The following SGCZ variants were observed in gnomAD, a reference collection of about 807,000 sequenced individuals.
SGCZ encodes sarcoglycan zeta.
In SGCZ, 40 loss-of-function variants were observed where a neutral mutation model predicts 41.3. That is an observed-to-expected ratio of 0.97 (90% CI 0.75 to 1.26). The LOEUF (loss-of-function observed/expected upper bound fraction) is 1.26. Ranked by LOEUF, SGCZ falls within the 50% of genes most tolerant of loss-of-function variation. The probability of loss-of-function intolerance (pLI) is 0.00; values close to 1 mark genes in which losing one functional copy is unlikely to be tolerated. For missense variants in SGCZ, 552 were observed against 369.8 expected, an observed-to-expected ratio of 1.49 and a Z score of -4.04; for synonymous variants, 206 against 137.5, an observed-to-expected ratio of 1.50 and a Z score of -3.49.
Position 14,090,349 on chromosome 8 carries a change from A to C in SGCZ, c.*94T>G. ...AGTTGCTCTGTGGACCATTCGAAGA[A>C]GCTCTGGACTGATCACAAGGGAAAC... On this transcript the variant is annotated 3_prime_UTR_variant, in exon 8 of 8. Coordinates refer to ENST00000382080, the MANE Select transcript of SGCZ (RefSeq NM_139167.4). 2.3e-6 allele frequency: 3 copies of C among 1,318,112 alleles called. No homozygotes were observed. The East Asian group carries it at 7.1e-5, about 31-fold the overall frequency. 81.7% of individuals were successfully genotyped at this position (1,318,112 alleles called of 1,614,324 possible). A position where few individuals can be genotyped will look rare whatever the true frequency, so the allele number is the denominator to read the frequency against.
At position 15,128,232 on chromosome 8, in the gene SGCZ, C is replaced by G. The variant is rs76405256; in HGVS notation, c.39+109353G>C. ...ATTTTCAGTGCTCTCCCACATATCT[C>G]CAATGTGTTAATTCAGCTCCCGGTG... On this transcript the variant is annotated intron_variant, in intron 1 of 7. Coordinates refer to ENST00000382080, the MANE Select transcript of SGCZ (RefSeq NM_139167.4). 4.7e-3 allele frequency among the ~76,000 whole-genome samples: 716 copies of G among 152,240 alleles called. 7 individuals are homozygous for G. Among genetic ancestry groups the G allele is most frequent in the African/African-American group, 0.016 (680 of 41,548 alleles).
intron 4 of SGCZ, among the ~76,000 whole-genome samples, chr8:14,171,585 AG>A (rs986417341): frequency 2.6e-5 from 4 of 152,040 alleles, no homozygotes; most frequent in African/African-American, 9.7e-5. Context: ...TCATACTGAA[AG>A]GCATTTTAAA....
intron 1 of SGCZ, among the ~76,000 whole-genome samples, chr8:15,178,289 T>C (rs1245040843): frequency 2.0e-5 from 3 of 152,194 alleles, no homozygotes; most frequent in African/African-American, 7.2e-5. Flanking sequence ...TTCTATAAAT[T>C]TTGTTTTACC....
intron 1 of SGCZ, among the ~76,000 whole-genome samples, chr8:14,968,512 A>T (rs2130861174): frequency 6.6e-6 from 1 of 152,200 alleles, no homozygotes; most frequent in South Asian, 2.1e-4. Context: ...AAAATAGCAT[A>T]CTCCATTTTC....
intron 1 of SGCZ, among the ~76,000 whole-genome samples, chr8:15,133,642 G>C (rs146949125): frequency 6.6e-6 from 1 of 152,236 alleles, no homozygotes; most frequent in East Asian, 1.9e-4. Context: ...GTAAACTGAT[G>C]TCTTTTACTC....
At chr8:14,512,513 T>A (rs1467229369) in intron 2 of SGCZ, among the ~76,000 whole-genome samples, 1 of 152,084 alleles carries the variant, frequency 6.6e-6, no homozygotes, top group Non-Finnish European at 1.5e-5. Context: ...CAGGCTGAAG[T>A]GCAGTGGCAG....
At chr8:14,265,265 G>T (rs1044705315) in intron 3 of SGCZ, among the ~76,000 whole-genome samples, 3 of 152,118 alleles carry the variant, frequency 2.0e-5, no homozygotes, top group Non-Finnish European at 2.9e-5. Context: ...ACTTTGCCGA[G>T]AAATACATCA....
At chr8:14,530,025 C>A (rs147800566) in intron 2 of SGCZ, among the ~76,000 whole-genome samples, 4 of 152,016 alleles carry the variant, frequency 2.6e-5, no homozygotes, top group East Asian at 1.9e-4. Flanking sequence ...AACACATAAA[C>A]AAATTCAAAT....
chr8:14,179,909 G>C (rs993053113), intron 4 of SGCZ, among the ~76,000 whole-genome samples: 1 of 152,152 alleles, frequency 6.6e-6, no homozygotes, highest in South Asian at 2.1e-4. Context: ...GACACATATA[G>C]AGCAAGAGGT....
At chr8:14,371,460 A>G (rs568689716) in intron 2 of SGCZ, among the ~76,000 whole-genome samples, 1 of 152,214 alleles carries the variant, frequency 6.6e-6, no homozygotes, top group African/African-American at 2.4e-5. Context: ...CCATTAAAAT[A>G]AAACACTCTA....
At chr8:14,614,565 T>C (rs1313757367) in intron 1 of SGCZ, among the ~76,000 whole-genome samples, 2 of 152,188 alleles carry the variant, frequency 1.3e-5, no homozygotes, top group Admixed American at 6.5e-5. Flanking sequence ...CTTTTGTGAA[T>C]AGTAGCTTGA....
intron 2 of SGCZ, among the ~76,000 whole-genome samples, chr8:14,490,776 C>T (rs565278928): frequency 1.3e-5 from 2 of 151,938 alleles, no homozygotes; most frequent in East Asian, 1.9e-4. Flanking sequence ...TCCAGATTCT[C>T]ATGTAAGCTC....
intron 2 of SGCZ, among the ~76,000 whole-genome samples, chr8:14,366,455 T>C (rs1803710843): frequency 6.6e-6 from 1 of 152,066 alleles, no homozygotes; most frequent in Non-Finnish European, 1.5e-5. Flanking sequence ...TCCAACCAGG[T>C]CTCTTTCTAA....
chr8:14,415,095 A>G (rs1332123444), intron 2 of SGCZ, among the ~76,000 whole-genome samples: 2 of 151,888 alleles, frequency 1.3e-5, no homozygotes, highest in Non-Finnish European at 2.9e-5. Context: ...AATCCCCTGA[A>G]GTAAAACTGT....
At chr8:14,675,087 C>T (rs939306726) in intron 1 of SGCZ, among the ~76,000 whole-genome samples, 13 of 151,224 alleles carry the variant, frequency 8.6e-5, no homozygotes, top group South Asian at 2.1e-4. Context: ...TATAGGCACC[C>T]GCCACCACGC....
At position 14,355,990 on chromosome 8, in the gene SGCZ, C is replaced by T. The variant is rs575917879; in HGVS notation, c.235-31786G>A. Among the ~76,000 whole-genome samples the T allele has an allele frequency of 2.0e-5, 3 of 152,230 alleles. No individual in the cohort carries two copies. In the East Asian group the frequency reaches 5.8e-4, roughly 29 times the overall value. Reference sequence around the variant, plus strand: ...TACACATTCAGCAGAAAATATTCTTCCAATTTTGCATTATTTTCTTTTCCT... The same window carrying T: ...TACACATTCAGCAGAAAATATTCTTTCAATTTTGCATTATTTTCTTTTCCT... On this transcript the variant is annotated intron_variant, in intron 2 of 7. Coordinates refer to ENST00000382080, the MANE Select transcript of SGCZ (RefSeq NM_139167.4).
intron 2 of SGCZ, among the ~76,000 whole-genome samples, chr8:14,428,946 C>A (rs1278374911): frequency 6.6e-6 from 1 of 152,012 alleles, no homozygotes. Flanking sequence ...GAAATATGGC[C>A]CTTATTTTAG....
chr8:14,456,682 C>A lies in SGCZ; in HGVS notation c.234+98050G>T, dbSNP rs150128660. On this transcript the variant is annotated intron_variant, in intron 2 of 7. Transcript: ENST00000382080. Reference sequence around the variant, plus strand: ...CAGTTGGAATGAAAAGGAACTGTATCGCACTTTTCTGAATATACATGGGAT... The same window carrying A: ...CAGTTGGAATGAAAAGGAACTGTATAGCACTTTTCTGAATATACATGGGAT... Among the ~76,000 whole-genome samples, 304 of 152,164 alleles carry A rather than the reference C, an allele frequency of 2.0e-3. 3 individuals carry two copies. Among genetic ancestry groups the A allele is most frequent in the East Asian group, 0.015 (76 of 5,154 alleles).
At chr8:15,080,890 C>T (rs956410844) in intron 1 of SGCZ, among the ~76,000 whole-genome samples, 7 of 152,174 alleles carry the variant, frequency 4.6e-5, no homozygotes, top group Non-Finnish European at 7.4e-5. Context: ...CCGCGCCTGG[C>T]TCTGGTTGAT....
Sources: allele counts gnomAD v4.1 joint callset (sites outside exome capture counted in the v4.1 genomes callset), GRCh38; gene constraint gnomAD v4.1.1; transcripts MANE v1.5; gene names NCBI Gene and HGNC (gene_info 2026-07-23, HGNC 2026-07-21).